Variants in ZCCHC7 observed in about 807,000 individuals in gnomAD.
ZCCHC7 encodes the protein zinc finger CCHC-type containing 7, also known as zinc finger CCHC domain-containing protein 7.
In ZCCHC7, 35 loss-of-function variants were observed where a neutral mutation model predicts 52.0. That is an observed-to-expected ratio of 0.67 (90% confidence interval 0.51 to 0.89). The LOEUF is 0.89. Among genes scored for constraint, ZCCHC7 ranks in the 40% least tolerant of loss-of-function variants. The pLI is 0.00. For missense variants in ZCCHC7, 574 were observed against 649.1 expected (o/e 0.88, Z 1.26); for synonymous variants, 217 against 221.5 (o/e 0.98, Z 0.18).
intron 2 of ZCCHC7, among the ~76,000 whole-genome samples, chr9:37,197,056 GTTAT>G (rs1393208226): frequency 2.6e-5 from 4 of 152,142 alleles, no homozygotes; most frequent in African/African-American, 9.7e-5. Context: ...GCTGTTTTAA[GTTAT>G]TTGTGTGTTA....
At chr9:37,225,380 G>A (rs1467021298) in intron 2 of ZCCHC7, among the ~76,000 whole-genome samples, 1 of 152,018 alleles carries the variant, frequency 6.6e-6, no homozygotes, top group Non-Finnish European at 1.5e-5. Context: ...TTTAAAGAAG[G>A]AATAATACCA....
intron 6 of ZCCHC7, among the ~76,000 whole-genome samples, chr9:37,345,502 C>T (rs918868764): frequency 6.6e-6 from 1 of 152,040 alleles, no homozygotes; most frequent in Non-Finnish European, 1.5e-5. Context: ...CTGAGGCAGG[C>T]GGATCACTTG....
At chr9:37,353,184 G>A (rs1461008404) in intron 7 of ZCCHC7, among the ~76,000 whole-genome samples, 1 of 151,962 alleles carries the variant, frequency 6.6e-6, no homozygotes. Context: ...ATCTGAAAAG[G>A]CAAATAACTC....
chr9:37,190,313 T>A (rs1385451894), intron 2 of ZCCHC7, among the ~76,000 whole-genome samples: 2 of 152,178 alleles, frequency 1.3e-5, no homozygotes, highest in Admixed American at 1.3e-4. Flanking sequence ...GGGAATTTTC[T>A]TCATTCTATC....
chr9:37,183,703 T>C (rs2133061378), intron 2 of ZCCHC7, among the ~76,000 whole-genome samples: 1 of 152,390 alleles, frequency 6.6e-6, no homozygotes, highest in South Asian at 2.1e-4. Context: ...TTTACTTTCC[T>C]GAGCACTTTA....
At chr9:37,208,411 A>G (rs983615714) in intron 2 of ZCCHC7, among the ~76,000 whole-genome samples, 25 of 152,194 alleles carry the variant, frequency 1.6e-4, no homozygotes, top group Non-Finnish European at 2.9e-5. Context: ...AACACAGTCT[A>G]CTAGATTGCC....
At chr9:37,168,969 A>G (rs1365745357) in intron 2 of ZCCHC7, among the ~76,000 whole-genome samples, 2 of 152,182 alleles carry the variant, frequency 1.3e-5, no homozygotes, top group Non-Finnish European at 1.5e-5. Flanking sequence ...TAATTTTAAA[A>G]GTTCCAGGAC....
At chr9:37,269,899 G>C (rs774688966) in intron 2 of ZCCHC7, among the ~76,000 whole-genome samples, 43 of 152,206 alleles carry the variant, frequency 2.8e-4, no homozygotes, top group Admixed American at 5.2e-4. Flanking sequence ...AGTTGAATTT[G>C]AGTGGTCAGG....
chr9:37,185,350 A>T (rs1371619454), intron 2 of ZCCHC7, among the ~76,000 whole-genome samples: 4 of 152,194 alleles, frequency 2.6e-5, no homozygotes, highest in Admixed American at 2.6e-4. Flanking sequence ...GTGTTAAATG[A>T]TAAGGTGAAT....
At chr9:37,305,810 T>C in intron 5 of ZCCHC7, 96 bp downstream of exon 5, 1 of 1,285,026 alleles carries the variant, frequency 7.8e-7, no homozygotes, top group Non-Finnish European at 1.1e-6. Context: ...TCAGCATACC[T>C]AAAGGAATGT....
intron 2 of ZCCHC7, among the ~76,000 whole-genome samples, chr9:37,301,350 A>C (rs550671625): frequency 2.0e-5 from 3 of 152,322 alleles, no homozygotes; most frequent in South Asian, 2.1e-4. Context: ...AGATGCCAGC[A>C]CTTTGGGAGG....
intron 2 of ZCCHC7, among the ~76,000 whole-genome samples, chr9:37,134,179 C>T (rs1053077775): frequency 2.6e-5 from 4 of 152,062 alleles, no homozygotes; most frequent in Admixed American, 2.6e-4. Flanking sequence ...GAATTCGATC[C>T]AATCCAGGTA....
At chr9:37,226,807 G>T (rs370626825) in intron 2 of ZCCHC7, among the ~76,000 whole-genome samples, 1 of 152,112 alleles carries the variant, frequency 6.6e-6, no homozygotes, top group Non-Finnish European at 1.5e-5. Flanking sequence ...GAGGCGGGTG[G>T]ATCACGAGCT....
chr9:37,238,165 A>G (rs1388794687), intron 2 of ZCCHC7, among the ~76,000 whole-genome samples: 2 of 152,208 alleles, frequency 1.3e-5, no homozygotes, highest in Non-Finnish European at 2.9e-5. Context: ...AGATTTGTTT[A>G]TAGCATCTGC....
Position 37,212,026 on chromosome 9 carries a change from C to CAAAAAAAAAAAAA in ZCCHC7, c.610+85111_610+85123dup, listed in dbSNP as rs574190937. On this transcript the variant is annotated intron_variant, in intron 2 of 8. Transcript: ENST00000336755. ...TGGGTGACAGAGCGAGACTCCGTCT[C>CAAAAAAAAAAAAA]AAAAAAAAAAAAAAAAAAAAAAAAA... Among the ~76,000 whole-genome samples the CAAAAAAAAAAAAA allele has an allele frequency of 5.6e-4, 31 of 55,420 alleles. 1 individual carries two copies. The highest frequency in any genetic ancestry group is 8.3e-4 in the Non-Finnish European group (25 of 30,232). 36.4% of individuals were successfully genotyped at this position (55,420 alleles called of 152,430 possible).
intron 2 of ZCCHC7, among the ~76,000 whole-genome samples, chr9:37,202,539 T>C (rs1056878763): frequency 1.3e-5 from 2 of 152,258 alleles, no homozygotes; most frequent in Non-Finnish European, 2.9e-5. Context: ...TCTTGCTCTG[T>C]TGCCCAGGTG....
chr9:37,344,930 A>T (rs1465843874), intron 6 of ZCCHC7, among the ~76,000 whole-genome samples: 1 of 152,204 alleles, frequency 6.6e-6, no homozygotes, highest in East Asian at 1.9e-4. Flanking sequence ...AATCTCCCTG[A>T]TGGAGGCATC....
chr9:37,230,251 G>A (rs1825333474), intron 2 of ZCCHC7, among the ~76,000 whole-genome samples: 1 of 152,184 alleles, frequency 6.6e-6, no homozygotes, highest in African/African-American at 2.4e-5. Flanking sequence ...ATTATGTACT[G>A]TGCATAATTG....
At chr9:37,284,655 A>T (rs1315891327) in intron 2 of ZCCHC7, among the ~76,000 whole-genome samples, 1 of 152,196 alleles carries the variant, frequency 6.6e-6, no homozygotes, top group African/African-American at 2.4e-5. Context: ...GGACCAGCTC[A>T]TGTATTTTGT....
Sources: gnomAD v4.1 joint callset for allele counts (sites outside exome capture counted in the v4.1 genomes callset) on GRCh38, gnomAD v4.1.1 for gene constraint, MANE v1.5 for transcripts, NCBI Gene and HGNC (gene_info 2026-07-23, HGNC 2026-07-21) for gene names.